The following KIFAP3 variants were observed in gnomAD, a reference collection of about 807,000 sequenced individuals.
The protein encoded by KIFAP3 is kinesin-associated protein 3.
In KIFAP3, 68 loss-of-function variants were observed where a neutral mutation model predicts 106.5. That is an observed-to-expected ratio of 0.64 (90% CI 0.53 to 0.78). The LOEUF is 0.78. Ranked by LOEUF, KIFAP3 falls within the 30% of genes least tolerant of loss-of-function variation. KIFAP3 has a pLI of 0.00. For missense variants in KIFAP3, 780 were observed against 941.8 expected (o/e 0.83, Z 2.25); for synonymous variants, 320 against 311.5 (o/e 1.03, Z -0.29).
chr1:169,922,043 A>C (rs943709885), intron 19 of KIFAP3, among the ~76,000 whole-genome samples: 1 of 152,228 alleles, frequency 6.6e-6, no homozygotes, highest in African/African-American at 2.4e-5. Flanking sequence ...GAATCAAATC[A>C]GAAAAGTTTT....
intron 19 of KIFAP3, chr1:169,923,017 A>G: frequency 1.2e-6 from 1 of 828,638 alleles, no homozygotes; most frequent in Non-Finnish European, 1.5e-6. Context: ...GTGTATTAAG[A>G]TGGAACTAAA....
chr1:169,950,444 T>C (rs987788496), intron 19 of KIFAP3, among the ~76,000 whole-genome samples: 1 of 152,112 alleles, frequency 6.6e-6, no homozygotes, highest in African/African-American at 2.4e-5. Flanking sequence ...CAAAGACATA[T>C]GAAGAAGAAG....
intron 17 of KIFAP3, among the ~76,000 whole-genome samples, chr1:169,967,788 T>C (rs898188622): frequency 6.6e-6 from 1 of 151,872 alleles, no homozygotes; most frequent in Admixed American, 6.6e-5. Context: ...AAGCAATTCT[T>C]AAATGAAAAC....
intron 16 of KIFAP3, among the ~76,000 whole-genome samples, chr1:169,972,814 G>T (rs1360288736): frequency 6.6e-6 from 1 of 151,468 alleles, no homozygotes; most frequent in Non-Finnish European, 1.5e-5. Context: ...GAAAAATCTA[G>T]ATGAAAATGG....
intron 8 of KIFAP3, among the ~76,000 whole-genome samples, chr1:170,028,791 T>C (rs767332126): frequency 2.0e-4 from 30 of 152,294 alleles, no homozygotes; most frequent in Non-Finnish European, 4.1e-4. Flanking sequence ...ATGTATCACT[T>C]GTAGGTAGAC....
chr1:170,050,540 A>G (rs995711874), intron 2 of KIFAP3, among the ~76,000 whole-genome samples: 2 of 152,192 alleles, frequency 1.3e-5, no homozygotes, highest in African/African-American at 4.8e-5. Flanking sequence ...ACACATAATC[A>G]TCAGATTCTC....
At chr1:170,001,055 G>T (rs1181069726) in intron 10 of KIFAP3, among the ~76,000 whole-genome samples, 2 of 151,960 alleles carry the variant, frequency 1.3e-5, no homozygotes, top group South Asian at 2.1e-4. Flanking sequence ...GAACATTTTT[G>T]ATAGATTTTC....
intron 5 of KIFAP3, among the ~76,000 whole-genome samples, chr1:170,036,070 A>T (rs1164250738): frequency 6.6e-6 from 1 of 152,088 alleles, no homozygotes; most frequent in African/African-American, 2.4e-5. Context: ...TCAGTATCAC[A>T]CTGAATTTAT....
intron 12 of KIFAP3, among the ~76,000 whole-genome samples, 181 bp downstream of exon 12, chr1:169,984,401 G>A (rs1666682211): frequency 6.6e-6 from 1 of 151,850 alleles, no homozygotes; most frequent in South Asian, 2.1e-4. Flanking sequence ...CAGAAGGTAA[G>A]TGTCTGCATT....
Position 170,032,016 on chromosome 1 carries a change from A to G in KIFAP3, c.743-32T>C, listed in dbSNP as rs200661334. On this transcript the variant is annotated intron_variant, in intron 7 of 19. Coordinates refer to ENST00000361580, the MANE Select transcript of KIFAP3 (RefSeq NM_014970.4). The stretch of plus-strand genomic sequence containing the variant: ...AACTTGTTAAGGATCATCCATACTC[A>G]TTGAAGCAAAAAAAATCTACTGATA... The G allele has an allele frequency of 3.7e-5, 32 of 857,444 alleles. No individual in the cohort carries two copies. In the African/African-American group the frequency reaches 4.6e-4, roughly 12 times the overall value. The allele number at this position is 857,444 out of a possible 1,614,324, so 53.1% of individuals were successfully genotyped here.
At chr1:170,013,611 A>C (rs1196540039) in intron 10 of KIFAP3, among the ~76,000 whole-genome samples, 1 of 151,980 alleles carries the variant, frequency 6.6e-6, no homozygotes, top group East Asian at 1.9e-4. Flanking sequence ...AGCTCTAATC[A>C]ATGTGCTCTG....
At chr1:169,927,439 T>C (rs1455396916) in intron 19 of KIFAP3, among the ~76,000 whole-genome samples, 2 of 152,196 alleles carry the variant, frequency 1.3e-5, no homozygotes, top group Admixed American at 1.3e-4. Context: ...CATGTACAAA[T>C]TGCTACAGGA....
chr1:169,941,364 T>C (rs1664100387), intron 19 of KIFAP3, among the ~76,000 whole-genome samples: 1 of 152,202 alleles, frequency 6.6e-6, no homozygotes, highest in Non-Finnish European at 1.5e-5. Context: ...ATCCTCTTTT[T>C]ATCAGGAGAT....
intron 19 of KIFAP3, among the ~76,000 whole-genome samples, chr1:169,946,912 C>G (rs591202): frequency 0.94 from 142,117 of 151,962 alleles, 66,549 homozygotes; most frequent in East Asian, 0.99. Flanking sequence ...GACTCTTATA[C>G]TATAAAAATT....
At chr1:170,080,953 A>G (rs879858215) in intron 1 of KIFAP3, among the ~76,000 whole-genome samples, 6 of 152,170 alleles carry the variant, frequency 3.9e-5, no homozygotes, top group Admixed American at 3.9e-4. Flanking sequence ...TCCATTTTTA[A>G]TAAAATTATC....
chr1:169,973,391 G>A (rs1200532433), intron 16 of KIFAP3, among the ~76,000 whole-genome samples: 1 of 148,514 alleles, frequency 6.7e-6, no homozygotes, highest in Non-Finnish European at 1.5e-5. Flanking sequence ...GAAAACCAAT[G>A]TAACAGAACA....
intron 10 of KIFAP3, among the ~76,000 whole-genome samples, chr1:169,993,301 A>G (rs2474701): frequency 0.94 from 141,255 of 150,756 alleles, 66,257 homozygotes; most frequent in East Asian, 1. Context: ...TAGTAGAGAC[A>G]GGGTTTCACC....
intron 19 of KIFAP3, among the ~76,000 whole-genome samples, chr1:169,930,591 G>A (rs548847926): frequency 6.6e-6 from 1 of 152,182 alleles, no homozygotes; most frequent in African/African-American, 2.4e-5. Context: ...TTTGAGCACA[G>A]ACAGGTTTTG....
upstream of KIFAP3, among the ~76,000 whole-genome samples, chr1:170,076,916 C>T (rs143687480): frequency 4.6e-4 from 70 of 152,292 alleles, no homozygotes; most frequent in African/African-American, 1.6e-3. Context: ...GACAAGCAAA[C>T]AGCATCATTA....
Sources: gnomAD v4.1 joint callset for allele counts (sites outside exome capture counted in the v4.1 genomes callset) on GRCh38, gnomAD v4.1.1 for gene constraint, MANE v1.5 for transcripts, NCBI Gene and HGNC (gene_info 2026-07-23, HGNC 2026-07-21) for gene names.